The following VTI1A variants were observed in gnomAD, a reference collection of about 807,000 sequenced individuals.
VTI1A encodes the protein vesicle transport through interaction with t-SNAREs 1A, also known as vesicle transport through interaction with t-SNAREs homolog 1A.
Under a neutral mutation model 34.9 loss-of-function variants are expected in VTI1A, and 22 were observed. The observed-to-expected ratio is 0.63, with a 90% CI of 0.45 to 0.90. The LOEUF is 0.90. Ranked by LOEUF, VTI1A falls within the 40% of genes least tolerant of loss-of-function variation. VTI1A has a pLI of 0.00. For synonymous variants in VTI1A, 87 were observed against 97.3 expected (o/e 0.89, Z 0.62); for missense variants, 268 against 275.6 (o/e 0.97, Z 0.20).
At chr10:112,458,896 G>C (rs959600124) in intron 1 of VTI1A, among the ~76,000 whole-genome samples, 5 of 151,990 alleles carry the variant, frequency 3.3e-5, no homozygotes, top group African/African-American at 1.2e-4. Flanking sequence ...TCAAACTTCT[G>C]ACCCTGTGAT....
intron 1 of VTI1A, among the ~76,000 whole-genome samples, chr10:112,454,583 CAG>C (rs1465827791): frequency 1.1e-4 from 16 of 151,984 alleles, no homozygotes; most frequent in African/African-American, 3.9e-4. Context: ...GCCTGGGTGA[CAG>C]AGCGAGATCT....
intron 7 of VTI1A, among the ~76,000 whole-genome samples, chr10:112,722,223 G>A (rs1849834808): frequency 6.6e-6 from 1 of 152,108 alleles, no homozygotes; most frequent in Admixed American, 6.6e-5. Flanking sequence ...TATACAACAA[G>A]GGATCTATAT....
chr10:112,846,387 A>G, the VTI1A span, among the ~76,000 whole-genome samples: 1 of 152,252 alleles, frequency 6.6e-6, no homozygotes, highest in Non-Finnish European at 1.5e-5. Context: ...ATATTGGAAC[A>G]GCACTGGCCA....
At chr10:112,477,780 C>G (rs1319932442) in intron 3 of VTI1A, among the ~76,000 whole-genome samples, 1 of 152,152 alleles carries the variant, frequency 6.6e-6, no homozygotes, top group Non-Finnish European at 1.5e-5. Flanking sequence ...TATCTGATAC[C>G]TTTTGATTTT....
intron 5 of VTI1A, among the ~76,000 whole-genome samples, chr10:112,618,713 G>A (rs898224440): frequency 1.5e-4 from 23 of 151,648 alleles, no homozygotes; most frequent in African/African-American, 5.3e-4. Flanking sequence ...AGATAGGGAG[G>A]ACATTAGGCC....
chr10:112,685,668 T>C (rs374425316), intron 7 of VTI1A, among the ~76,000 whole-genome samples: 4 of 147,198 alleles, frequency 2.7e-5, no homozygotes, highest in Non-Finnish European at 6.0e-5. Flanking sequence ...GTTGTTTTTT[T>C]CCCCCCTTGT....
chr10:112,468,231 T>C (rs1847965943), intron 3 of VTI1A, among the ~76,000 whole-genome samples: 1 of 152,206 alleles, frequency 6.6e-6, no homozygotes, highest in African/African-American at 2.4e-5. Flanking sequence ...TGAACGGTCC[T>C]TCGACTCCTG....
chr10:112,457,898 G>A (rs944750308), intron 1 of VTI1A, among the ~76,000 whole-genome samples: 1 of 152,104 alleles, frequency 6.6e-6, no homozygotes. Flanking sequence ...GGAGCAAAGT[G>A]TAAGAAACCA....
At chr10:112,777,965 G>A (rs1190326058) in intron 7 of VTI1A, among the ~76,000 whole-genome samples, 1 of 152,148 alleles carries the variant, frequency 6.6e-6, no homozygotes, top group East Asian at 1.9e-4. Flanking sequence ...AGCCGGGCAT[G>A]GTGGCGCATG....
At chr10:112,493,090 C>G (rs1196296479) in intron 3 of VTI1A, among the ~76,000 whole-genome samples, 1 of 152,154 alleles carries the variant, frequency 6.6e-6, no homozygotes, top group Non-Finnish European at 1.5e-5. Context: ...AAATTGCTAT[C>G]TTAAAAATAC....
chr10:112,593,701 C>T (rs1207722697), intron 5 of VTI1A, among the ~76,000 whole-genome samples: 7 of 152,082 alleles, frequency 4.6e-5, no homozygotes, highest in Admixed American at 1.3e-4. Flanking sequence ...TGTGTGAACT[C>T]GTTTATTCAG....
chr10:112,707,112 G>A (rs939166595), intron 7 of VTI1A, among the ~76,000 whole-genome samples: 12 of 152,128 alleles, frequency 7.9e-5, no homozygotes, highest in Admixed American at 7.2e-4. Context: ...CTCCCTTTAA[G>A]CCTCATCCTC....
intron 7 of VTI1A, 124 bp downstream of exon 7, chr10:112,669,122 A>C: frequency 9.5e-7 from 1 of 1,051,920 alleles, no homozygotes; most frequent in Non-Finnish European, 1.4e-6. Context: ...CCTGTGCAGG[A>C]CCCATTTGAA....
chr10:112,552,608 T>TA (rs113532693), intron 5 of VTI1A, among the ~76,000 whole-genome samples: 216 of 142,004 alleles, frequency 1.5e-3, no homozygotes, highest in Middle Eastern at 3.6e-3. Context: ...AGAGACCTTT[T>TA]AAAAAAAAAA....
chr10:112,727,665 T>C (rs1850087156), intron 7 of VTI1A, among the ~76,000 whole-genome samples: 1 of 152,126 alleles, frequency 6.6e-6, no homozygotes, highest in Non-Finnish European at 1.5e-5. Context: ...ATGTGATCCA[T>C]TTACAGGGCA....
chr10:112,691,260 CA>C (rs1848603282), intron 7 of VTI1A, among the ~76,000 whole-genome samples: 1 of 82,444 alleles, frequency 1.2e-5, no homozygotes, highest in Non-Finnish European at 2.7e-5. Flanking sequence ...GACTCTGCCT[CA>C]AAAATAAATA....
At chr10:112,605,143 G>A (rs1363284060) in intron 5 of VTI1A, among the ~76,000 whole-genome samples, 3 of 152,112 alleles carry the variant, frequency 2.0e-5, no homozygotes, top group Admixed American at 6.5e-5. Flanking sequence ...CCCCACACTC[G>A]GCTCAATCTC....
chr10:112,669,043 T>A, intron 7 of VTI1A, 45 bp downstream of exon 7: 2 of 1,600,972 alleles, frequency 1.2e-6, no homozygotes, highest in Non-Finnish European at 1.7e-6. Flanking sequence ...TGTGTTTTTT[T>A]AAAATACTAT....
intron 3 of VTI1A, among the ~76,000 whole-genome samples, chr10:112,480,372 A>G (rs981755743): frequency 6.6e-6 from 1 of 152,244 alleles, no homozygotes; most frequent in African/African-American, 2.4e-5. Context: ...AACAACTTAC[A>G]TAGTGCAAGT....
Sources: gnomAD v4.1 joint callset for allele counts (sites outside exome capture counted in the v4.1 genomes callset) on GRCh38, gnomAD v4.1.1 for gene constraint, MANE v1.5 for transcripts, NCBI Gene and HGNC (gene_info 2026-07-23, HGNC 2026-07-21) for gene names.